DBNDD1: variants seen among roughly 807,000 people sequenced by gnomAD.
DBNDD1 encodes dysbindin domain containing 1.
In DBNDD1, 14 loss-of-function variants were observed where a neutral mutation model predicts 17.0. That is an observed-to-expected ratio of 0.82 (90% CI 0.54 to 1.29). The LOEUF (loss-of-function observed/expected upper bound fraction) is 1.29. Ranked by LOEUF, DBNDD1 falls within the 50% of genes most tolerant of loss-of-function variation. The pLI, the probability that DBNDD1 is intolerant of heterozygous loss-of-function variation, is 0.00. For missense variants in DBNDD1, 221 were observed against 216.2 expected, an observed-to-expected ratio of 1.02 and a Z score of -0.14; for synonymous variants, 105 against 102.0, an observed-to-expected ratio of 1.03 and a Z score of -0.18.
Position 90,019,302 on chromosome 16 carries a change from T to C in DBNDD1, c.31+9A>G. Reference sequence around the variant, plus strand: ...GCGCGGGGGTCTCGGGGGCTGGGGCTGAACTCACCTCCGGTGCCGGCGCCC... The same window carrying C: ...GCGCGGGGGTCTCGGGGGCTGGGGCCGAACTCACCTCCGGTGCCGGCGCCC... On this transcript the variant is annotated intron_variant, in intron 1 of 3. Transcript: ENST00000002501. This position sits in a 1 kb window ranked among gnomAD's most constrained non-coding sequence, Gnocchi z 6.1. 8.2e-7 allele frequency: 1 copy of C among 1,217,280 alleles called. No homozygotes were observed. Among genetic ancestry groups the C allele is most frequent in the Non-Finnish European group, 1.0e-6 (1 of 977,636 alleles). 75.4% of individuals were successfully genotyped at this position (1,217,280 alleles called of 1,614,324 possible). A position where few individuals can be genotyped will look rare whatever the true frequency, so the allele number is the denominator to read the frequency against.
At chr16:90,009,032 G>A in intron 2 of DBNDD1, 108 bp from the exon 3 acceptor site, 2 of 1,381,878 alleles carry the variant, frequency 1.4e-6, no homozygotes, top group Non-Finnish European at 1.9e-6. Context: ...GGCTGTGGGT[G>A]AACCACAGCT....
intron 1 of DBNDD1, among the ~76,000 whole-genome samples, chr16:90,011,157 A>G (rs1490839966): frequency 6.6e-6 from 1 of 152,194 alleles, no homozygotes; most frequent in Non-Finnish European, 1.5e-5. Context: ...AGCGGTGAGC[A>G]CTGATCGTAG....
At chr16:90,009,256 C>A (rs201676695) in intron 2 of DBNDD1, 28 bp downstream of exon 2, 1 of 1,610,568 alleles carries the variant, frequency 6.2e-7, no homozygotes, top group South Asian at 1.1e-5. Context: ...GTCCCCATAG[C>A]GTGCGCTGGG....
intron 1 of DBNDD1, chr16:90,009,648 C>T (rs1191221013): frequency 1.0e-5 from 7 of 676,598 alleles, no homozygotes; most frequent in Admixed American, 3.0e-5. Context: ...GGGCCCTGGC[C>T]TCCCCTAGTG....
At chr16:90,014,286 C>T (rs1258615960) in intron 1 of DBNDD1, among the ~76,000 whole-genome samples, 1 of 152,030 alleles carries the variant, frequency 6.6e-6, no homozygotes, top group Non-Finnish European at 1.5e-5. Flanking sequence ...GCCACCATGC[C>T]TGGCTAATTT....
chr16:90,019,378 C>T lies in DBNDD1; in HGVS notation c.-37G>A. 5 of 1,191,852 alleles carry T rather than the reference C, an allele frequency of 4.2e-6. No homozygotes were observed. The highest frequency in any genetic ancestry group is 3.2e-5 in the African/African-American group (2 of 62,770). 73.8% of individuals were successfully genotyped at this position (1,191,852 alleles called of 1,614,324 possible). A position where few individuals can be genotyped will look rare whatever the true frequency, so the allele number is the denominator to read the frequency against. ...GGTCTGGGAGGGGCACGGGCGACGGCGGCGTCGCCTGGCCCGGGCGCCCCA... is the reference window on the plus strand; with the variant it reads ...GGTCTGGGAGGGGCACGGGCGACGGTGGCGTCGCCTGGCCCGGGCGCCCCA... On this transcript the variant is annotated 5_prime_UTR_variant, in exon 1 of 4. Transcript: ENST00000002501. This position sits in a 1 kb window ranked among gnomAD's most constrained non-coding sequence, Gnocchi z 6.1.
chr16:90,007,936 C>G (rs991546827), intron 3 of DBNDD1, among the ~76,000 whole-genome samples: 9 of 149,292 alleles, frequency 6.0e-5, no homozygotes, highest in Admixed American at 1.3e-4. Context: ...ACCCCCCAAA[C>G]ACACCTCCCA....
chr16:90,014,400 T>C (rs113915321), intron 1 of DBNDD1, among the ~76,000 whole-genome samples: 13 of 152,006 alleles, frequency 8.6e-5, no homozygotes, highest in South Asian at 8.3e-4. Flanking sequence ...GCTGGGATTA[T>C]AGGTGTGAGC....
At chr16:90,014,897 C>G (rs536886079) in intron 1 of DBNDD1, among the ~76,000 whole-genome samples, 2 of 151,186 alleles carry the variant, frequency 1.3e-5, no homozygotes, top group South Asian at 4.2e-4. Context: ...CCCAGCTACT[C>G]AGGAGGCTGA....
rs553381010 is a variant in DBNDD1, at chr16:90,011,755, C to T, written c.32-2325G>A. 3.7e-5 allele frequency: 16 copies of T among 437,164 alleles called. No homozygotes were observed. The East Asian group carries it at 9.2e-4, about 25-fold the overall frequency. 27.1% of individuals were successfully genotyped at this position (437,164 alleles called of 1,614,324 possible). ...AAGTTACTGGTGTCCTGGCCCACCC[C>T]CAAGCCCAGCAGGGATACCTCTCCG... On this transcript the variant is annotated intron_variant, in intron 1 of 3. Transcript: ENST00000002501.
intron 3 of DBNDD1, 153 bp from the exon 4 acceptor site, chr16:90,006,645 G>A: frequency 9.9e-7 from 1 of 1,010,718 alleles, no homozygotes; most frequent in Non-Finnish European, 1.4e-6. Flanking sequence ...TCTAACGGGA[G>A]GCCCCCACCA....
rs2035504281 is a variant in DBNDD1 at position 90,009,304 on chromosome 16, A to G, written c.158T>C (p.Leu53Pro). 2.5e-6 allele frequency: 4 copies of G among 1,613,360 alleles called. No individual in the cohort carries two copies. Among genetic ancestry groups the G allele is most frequent in the Non-Finnish European group, 3.4e-6 (4 of 1,179,980 alleles). ...GGIPVPAPGLLQVTERRQPLS... is the reference protein window; with the variant it reads ...GGIPVPAPGLPQVTERRQPLS... ...CTTACGCCTCCTCTCCGTGACCTGCAGGAGCCCCGGTGCTGGTACTGGGAT... is the reference window on the plus strand; with the variant it reads ...CTTACGCCTCCTCTCCGTGACCTGCGGGAGCCCCGGTGCTGGTACTGGGAT... Residue 53 changes from leucine to proline, a missense_variant, in exon 2 of 4, where the codon CTG becomes CCG. Leu to Pro is a moderately conservative substitution (Grantham distance 98). Transcript: ENST00000002501.
chr16:90,018,183 C>G (rs1228457269), intron 1 of DBNDD1, among the ~76,000 whole-genome samples: 2 of 152,222 alleles, frequency 1.3e-5, no homozygotes, highest in African/African-American at 4.8e-5. Context: ...CTCCCAACCT[C>G]CAGGCTTCCT....
chr16:90,019,315 G>C lies in DBNDD1; in HGVS notation c.27C>G (p.Thr9=), dbSNP rs2035723272. The change falls in exon 1 of 4, where the codon ACC becomes ACG. Residue 9 remains threonine (T), a synonymous_variant. Transcript: ENST00000002501. The surrounding 1 kb of genome is among the most constrained non-coding windows in gnomAD (Gnocchi z 6.1). ...GGGGGCTGGGGCTGAACTCACCTCC[G>C]GTGCCGGCGCCCTCCGGGGGCTCCA... The part of the protein sequence containing the change: MEPPEGAG[T]GEIVKEAEVP... The C allele has an allele frequency of 8.2e-7, 1 of 1,220,290 alleles. No individual in the cohort carries two copies. Among genetic ancestry groups the C allele is most frequent in the Non-Finnish European group, 1.0e-6 (1 of 980,244 alleles). The allele number at this position is 1,220,290 out of a possible 1,614,324, so 75.6% of individuals were successfully genotyped here. A position where few individuals can be genotyped will look rare whatever the true frequency, so the allele number is the denominator to read the frequency against.
At chr16:90,019,736 C>T (rs1325668058), upstream of DBNDD1, 4 of 657,764 alleles carry the variant, frequency 6.1e-6, no homozygotes, top group Admixed American at 4.8e-5. This position sits in a 1 kb window ranked among gnomAD's most constrained non-coding sequence, Gnocchi z 6.1. Context: ...ACTTGGCGGC[C>T]GCGCCCGCTG....
intron 1 of DBNDD1, among the ~76,000 whole-genome samples, chr16:90,014,335 C>A (rs2035603836): frequency 6.6e-6 from 1 of 152,004 alleles, no homozygotes; most frequent in Non-Finnish European, 1.5e-5. Flanking sequence ...CCCTGTTGGC[C>A]AGGCTGGTCT....
rs747107300 is a variant in DBNDD1, at chr16:90,008,791, G to A, written c.312C>T (p.Ser104=). The A allele has an allele frequency of 1.9e-6, 3 of 1,596,324 alleles. No homozygotes were observed. The highest frequency in any genetic ancestry group is 1.9e-4 in the Middle Eastern group (1 of 5,274). The change falls in exon 3 of 4, where the codon TCC becomes TCT. Residue 104 remains serine (S), a synonymous_variant. Coordinates refer to ENST00000002501, the MANE Select transcript of DBNDD1 (RefSeq NM_001042610.3). ...CCCTGATGCCGGCCTCACCTGCTGG[G>A]GACTCGGTGTTGAGGTTCTCGTCGT... is the stretch of plus-strand genomic sequence containing the variant. ...DSDDENLNTE[S]PAGLHPLPRA... is the part of the protein sequence containing the mutation.
intron 1 of DBNDD1, chr16:90,009,739 A>G: frequency 1.6e-6 from 1 of 631,972 alleles, no homozygotes; most frequent in Non-Finnish European, 2.7e-6. Context: ...AAGTCCCACC[A>G]GGGCCCGCGT....
intron 1 of DBNDD1, among the ~76,000 whole-genome samples, chr16:90,012,068 T>C (rs1460096883): frequency 1.3e-5 from 2 of 152,240 alleles, no homozygotes; most frequent in African/African-American, 2.4e-5. Flanking sequence ...CTCAGAGCAG[T>C]GGCCGTGGCT....
Sources: gnomAD v4.1 joint callset for allele counts (sites outside exome capture counted in the v4.1 genomes callset) on GRCh38, gnomAD v4.1.1 for gene constraint, Gnocchi (gnomAD v3.1) non-coding constraint, MANE v1.5 for transcripts, NCBI Gene and HGNC (gene_info 2026-07-23, HGNC 2026-07-21) for gene names.